CMIP: variants seen among roughly 807,000 people sequenced by gnomAD.
CMIP encodes C-Maf-inducing protein.
Under a neutral mutation model 97.3 loss-of-function variants are expected in CMIP, and 13 were observed. The ratio of observed to expected loss-of-function variants is 0.13; its 90% confidence interval spans 0.09 to 0.21. The LOEUF is 0.21. Ranked by LOEUF, CMIP falls within the 10% of genes least tolerant of loss-of-function variation. The pLI is 1.00. For missense variants in CMIP, 847 were observed against 1,024.9 expected (o/e 0.83, Z 2.37); for synonymous variants, 538 against 436.3 (o/e 1.23, Z -2.91).
At chr16:81,694,460 A>G (rs1160695387) in intron 13 of CMIP, among the ~76,000 whole-genome samples, 1 of 152,174 alleles carries the variant, frequency 6.6e-6, no homozygotes, top group Admixed American at 6.5e-5. Flanking sequence ...ACTGGACCTT[A>G]GTCTGGAGGG....
rs768302025 is a variant in CMIP at position 81,655,202 on chromosome 16, G to C, written c.640-2573G>C. Among the ~76,000 whole-genome samples, 1 of 152,108 alleles carries C rather than the reference G, an allele frequency of 6.6e-6. No individual in the cohort carries two copies. Among genetic ancestry groups the C allele is most frequent in the South Asian group, 2.1e-4 (1 of 4,822 alleles). Reference sequence around the variant, plus strand: ...GCTGGAAAAACAAACATCTGCCTTCGACCTCCGTGCCCTGTTTTGGGGCTG... The same window carrying C: ...GCTGGAAAAACAAACATCTGCCTTCCACCTCCGTGCCCTGTTTTGGGGCTG... On this transcript the variant is annotated intron_variant, in intron 4 of 20. Transcript: ENST00000537098. This position sits in a 1 kb window ranked among gnomAD's most constrained non-coding sequence, Gnocchi z 4.9.
chr16:81,649,419 G>C (rs1222635668), intron 3 of CMIP, among the ~76,000 whole-genome samples: 2 of 152,270 alleles, frequency 1.3e-5, no homozygotes, highest in Non-Finnish European at 2.9e-5. Context: ...CTATGCCTCA[G>C]ACTGGTTGCC....
intron 1 of CMIP, among the ~76,000 whole-genome samples, chr16:81,521,484 C>T (rs2090026597): frequency 1.3e-5 from 2 of 152,056 alleles, no homozygotes; most frequent in African/African-American, 2.4e-5. Context: ...ACTGCAGGTT[C>T]TTGGAAGGAC....
intron 5 of CMIP, among the ~76,000 whole-genome samples, chr16:81,660,433 C>A (rs968902671): frequency 1.3e-5 from 2 of 152,030 alleles, no homozygotes; most frequent in Non-Finnish European, 2.9e-5. Context: ...CACCACCACA[C>A]CCAGTTAATT....
At chr16:81,547,921 C>A (rs1395167162) in intron 1 of CMIP, among the ~76,000 whole-genome samples, 1 of 152,168 alleles carries the variant, frequency 6.6e-6, no homozygotes, top group Non-Finnish European at 1.5e-5. Flanking sequence ...TTCAGCTCTG[C>A]TCTTCCTGTC....
chr16:81,656,459 A>C (rs2092483336), intron 4 of CMIP, among the ~76,000 whole-genome samples: 1 of 152,214 alleles, frequency 6.6e-6, no homozygotes, highest in Non-Finnish European at 1.5e-5. Context: ...CTGTGTGTCC[A>C]CCAAAACAGA....
At chr16:81,692,053 C>G (rs1476189040) in intron 11 of CMIP, among the ~76,000 whole-genome samples, 2 of 152,240 alleles carry the variant, frequency 1.3e-5, no homozygotes, top group Middle Eastern at 6.8e-3. Context: ...CTCAGGAGAA[C>G]AGGGACATTG....
chr16:81,572,797 G>A (rs974084267), intron 1 of CMIP, among the ~76,000 whole-genome samples: 7 of 152,102 alleles, frequency 4.6e-5, no homozygotes, highest in African/African-American at 1.4e-4. Flanking sequence ...GCAGAATGAC[G>A]GCGGTTCACA....
intron 3 of CMIP, among the ~76,000 whole-genome samples, chr16:81,629,655 C>T (rs532687671): frequency 6.6e-6 from 1 of 152,376 alleles, no homozygotes; most frequent in Non-Finnish European, 1.5e-5. Context: ...CTGCGTCCAT[C>T]TTCACGCAGC....
chr16:81,469,140 C>G (rs533367791), intron 1 of CMIP, among the ~76,000 whole-genome samples: 2 of 152,352 alleles, frequency 1.3e-5, no homozygotes, highest in South Asian at 4.1e-4. Context: ...GTCCTCTGTC[C>G]CTCAACCTTT....
intron 1 of CMIP, among the ~76,000 whole-genome samples, chr16:81,521,152 G>T (rs1045416403): frequency 6.6e-6 from 1 of 152,234 alleles, no homozygotes; most frequent in Non-Finnish European, 1.5e-5. Flanking sequence ...GTTCTGGAAG[G>T]CTTTTCTTTG....
At chr16:81,525,540 C>CA (rs2090114780) in intron 1 of CMIP, among the ~76,000 whole-genome samples, 1 of 152,116 alleles carries the variant, frequency 6.6e-6, no homozygotes, top group African/African-American at 2.4e-5. Context: ...TTTTAAGAGA[C>CA]AGAGTATGGC....
At chr16:81,554,263 G>A (rs1479421401) in intron 1 of CMIP, among the ~76,000 whole-genome samples, 2 of 152,172 alleles carry the variant, frequency 1.3e-5, no homozygotes, top group African/African-American at 4.8e-5. Flanking sequence ...TTAGCATTCA[G>A]AGAAAATGCT....
chr16:81,670,108 C>G (rs1160066747), intron 7 of CMIP, 34 bp from the exon 8 acceptor site: 2 of 1,579,866 alleles, frequency 1.3e-6, no homozygotes, highest in South Asian at 2.3e-5. Flanking sequence ...CTGCCTAGCA[C>G]CGTCCCGACT....
At chr16:81,705,673 C>T (rs1181720092) in intron 19 of CMIP, 69 bp downstream of exon 19, 2 of 1,051,596 alleles carry the variant, frequency 1.9e-6, no homozygotes, top group Admixed American at 4.2e-5. Flanking sequence ...TTCAGCCAAA[C>T]TGGCCAAGCA....
At chr16:81,549,214 C>G (rs2090606886) in intron 1 of CMIP, among the ~76,000 whole-genome samples, 1 of 152,240 alleles carries the variant, frequency 6.6e-6, no homozygotes, top group Non-Finnish European at 1.5e-5. Context: ...GGTCAACCTG[C>G]AGGAGCACCT....
chr16:81,678,365 C>T lies in CMIP; in HGVS notation c.1125C>T (p.His375=), dbSNP rs546995031. Residue 375 remains histidine (H), a synonymous_variant, in exon 10 of 21, where the codon CAC becomes CAT. Coordinates refer to ENST00000537098, the MANE Select transcript of CMIP (RefSeq NM_198390.3). ...CCACTTTACCTCTGCGCCTTCTGCA[C>T]CCCAGCCCGGACCTGGTGTCTCAGG... ...RKPTLPLRLL[H]PSPDLVSQEA... is the part of the protein sequence containing the mutation. The T allele has an allele frequency of 5.0e-6, 8 of 1,613,024 alleles. No individual in the cohort carries two copies. In the African/African-American group the frequency reaches 9.3e-5, roughly 19 times the overall value.
intron 20 of CMIP, among the ~76,000 whole-genome samples, chr16:81,708,994 A>G (rs1358903773): frequency 2.6e-5 from 4 of 152,238 alleles, no homozygotes. Context: ...GCATGAGGCC[A>G]GTTAGGAGGC....
intron 2 of CMIP, among the ~76,000 whole-genome samples, chr16:81,613,674 A>G (rs1216014868): frequency 6.6e-6 from 1 of 152,222 alleles, no homozygotes; most frequent in Non-Finnish European, 1.5e-5. Flanking sequence ...TCTTAGTCAA[A>G]TACAGTTTGG....
Sources: allele counts gnomAD v4.1 joint callset (sites outside exome capture counted in the v4.1 genomes callset), GRCh38; gene constraint gnomAD v4.1.1; non-coding constraint Gnocchi (gnomAD v3.1); transcripts MANE v1.5; gene names NCBI Gene and HGNC (gene_info 2026-07-23, HGNC 2026-07-21).